The following ARHGEF26 variants were observed in gnomAD, a reference collection of about 807,000 sequenced individuals.
ARHGEF26 encodes Rho guanine nucleotide exchange factor 26.
In ARHGEF26, 59 loss-of-function variants were observed where a neutral mutation model predicts 89.4. That is an observed-to-expected ratio of 0.66 (90% CI 0.54 to 0.82). ARHGEF26 has a LOEUF of 0.82. ARHGEF26 is among the 40% of genes least tolerant of loss of function. The pLI is 0.00. For missense variants in ARHGEF26, 1,234 were observed against 1,085.6 expected (o/e 1.14, Z -1.92); for synonymous variants, 500 against 428.4 (o/e 1.17, Z -2.06).
At position 154,244,967 on chromosome 3, in the gene ARHGEF26, C is replaced by T. The variant is rs1428163699; in HGVS notation, c.2300+4388C>T. On this transcript the variant is annotated intron_variant, in intron 12 of 14. Coordinates refer to ENST00000465093, the MANE Select transcript of ARHGEF26 (RefSeq NM_015595.4). ...GGAAGGAAACCTCCAGGAAGTCAGT[C>T]GCTATTAACTGTGAGAAACTACTAA... Among the ~76,000 whole-genome samples the T allele has an allele frequency of 3.3e-5, 5 of 152,192 alleles. No individual in the cohort carries two copies. The East Asian group carries it at 7.7e-4, about 24-fold the overall frequency.
At chr3:154,221,420 A>G (rs1411479693) in intron 10 of ARHGEF26, among the ~76,000 whole-genome samples, 1 of 152,220 alleles carries the variant, frequency 6.6e-6, no homozygotes, top group Non-Finnish European at 1.5e-5. Flanking sequence ...CAATTTGGCA[A>G]TAACTATCAA....
At chr3:154,224,261 A>G (rs867560299) in intron 10 of ARHGEF26, among the ~76,000 whole-genome samples, 4 of 152,176 alleles carry the variant, frequency 2.6e-5, no homozygotes, top group Non-Finnish European at 4.4e-5. Context: ...AACATAAACT[A>G]TATATAAAAT....
At chr3:154,225,415 A>G (rs200053112) in intron 10 of ARHGEF26, among the ~76,000 whole-genome samples, 14 of 152,074 alleles carry the variant, frequency 9.2e-5, no homozygotes, top group Non-Finnish European at 1.8e-4. Context: ...GTAGACTTTT[A>G]TATTTGTCTC....
chr3:154,236,511 C>T (rs955655654), intron 11 of ARHGEF26, among the ~76,000 whole-genome samples: 1 of 152,194 alleles, frequency 6.6e-6, no homozygotes, highest in East Asian at 1.9e-4. Flanking sequence ...CTTTAACTTC[C>T]TCATTACATG....
intron 4 of ARHGEF26, among the ~76,000 whole-genome samples, chr3:154,144,108 G>A (rs1719551067): frequency 6.6e-6 from 1 of 152,308 alleles, no homozygotes; most frequent in Non-Finnish European, 1.5e-5. Flanking sequence ...GGAAGCCAAT[G>A]AGAGATGTTG....
chr3:154,239,299 A>AGTGT lies in ARHGEF26; in HGVS notation c.2091-1032_2091-1029dup, dbSNP rs142191516. The stretch of plus-strand genomic sequence containing the variant: ...GAGAGAGAGAGAGAGAGAGAGAGAG[A>AGTGT]GTGTGTGTGTGTGTGTGTGTGTGTG... On this transcript the variant is annotated intron_variant, in intron 11 of 14. Transcript: ENST00000465093. Among the ~76,000 whole-genome samples the AGTGT allele has an allele frequency of 2.5e-3, 160 of 64,312 alleles. 3 individuals are homozygous for AGTGT. The highest frequency in any genetic ancestry group is 0.015 in the Middle Eastern group (1 of 68). The allele number at this position is 64,312 out of a possible 152,430, so 42.2% of individuals were successfully genotyped here.
chr3:154,236,504 T>C (rs1320819431), intron 11 of ARHGEF26, among the ~76,000 whole-genome samples: 2 of 152,244 alleles, frequency 1.3e-5, no homozygotes, highest in Admixed American at 1.3e-4. Flanking sequence ...CTGAGCACTT[T>C]AACTTCCTCA....
At chr3:154,247,787 C>T (rs951553489) in intron 12 of ARHGEF26, among the ~76,000 whole-genome samples, 1 of 152,102 alleles carries the variant, frequency 6.6e-6, no homozygotes, top group African/African-American at 2.4e-5. Context: ...TTAGGATGTA[C>T]GTCGAAGTCA....
intron 8 of ARHGEF26, among the ~76,000 whole-genome samples, 189 bp downstream of exon 8, chr3:154,191,607 T>C (rs1211965563): frequency 2.6e-5 from 4 of 152,228 alleles, no homozygotes. Flanking sequence ...TTATCTTTCA[T>C]TTAGGCTTCT....
intron 4 of ARHGEF26, among the ~76,000 whole-genome samples, chr3:154,132,696 A>AAT (rs1425575950): frequency 2.0e-5 from 3 of 152,070 alleles, no homozygotes; most frequent in Admixed American, 1.3e-4. Flanking sequence ...TTTCAACTTT[A>AAT]ATATATATAT....
chr3:154,178,403 C>T (rs1041142173), intron 6 of ARHGEF26, among the ~76,000 whole-genome samples: 2 of 152,088 alleles, frequency 1.3e-5, no homozygotes, highest in African/African-American at 2.4e-5. Flanking sequence ...GCATTTCCCC[C>T]CACACTTCCC....
intron 6 of ARHGEF26, among the ~76,000 whole-genome samples, chr3:154,166,419 G>A (rs561523425): frequency 2.9e-4 from 44 of 152,198 alleles, no homozygotes; most frequent in African/African-American, 9.6e-4. Context: ...AGGATAGGAA[G>A]GTAACGTATG....
intron 3 of ARHGEF26, among the ~76,000 whole-genome samples, chr3:154,126,639 G>C (rs1192689206): frequency 6.6e-6 from 1 of 152,132 alleles, no homozygotes; most frequent in Non-Finnish European, 1.5e-5. Context: ...TTTGTACTCA[G>C]GGTGAAATCC....
At chr3:154,162,570 T>C (rs985920579) in intron 6 of ARHGEF26, among the ~76,000 whole-genome samples, 9 of 152,176 alleles carry the variant, frequency 5.9e-5, no homozygotes, top group Non-Finnish European at 1.3e-4. Flanking sequence ...GGCCATTGCA[T>C]GTGTGGAGTT....
intron 10 of ARHGEF26, among the ~76,000 whole-genome samples, chr3:154,220,223 A>G (rs1716040914): frequency 6.6e-6 from 1 of 152,234 alleles, no homozygotes. Flanking sequence ...AAGTATTGTA[A>G]GAATAGAGCA....
intron 10 of ARHGEF26, among the ~76,000 whole-genome samples, chr3:154,222,458 A>G (rs919570001): frequency 5.3e-5 from 8 of 152,160 alleles, no homozygotes; most frequent in Non-Finnish European, 1.0e-4. Flanking sequence ...TAGCTGTACA[A>G]CCTTGGGCAT....
intron 9 of ARHGEF26, among the ~76,000 whole-genome samples, chr3:154,195,097 G>A (rs1207469225): frequency 6.6e-6 from 1 of 152,240 alleles, no homozygotes; most frequent in African/African-American, 2.4e-5. Context: ...GCAGTGGAAA[G>A]AGGAGGGCAG....
At chr3:154,219,598 A>AG (rs201911924) in intron 10 of ARHGEF26, among the ~76,000 whole-genome samples, 1,596 of 151,584 alleles carry the variant, frequency 0.011, 21 homozygotes, top group African/African-American at 0.036. Context: ...CTTAAAAAAA[A>AG]AAAAAGAAAA....
chr3:154,159,384 A>C (rs1711535413), intron 6 of ARHGEF26, among the ~76,000 whole-genome samples: 1 of 152,142 alleles, frequency 6.6e-6, no homozygotes, highest in Non-Finnish European at 1.5e-5. Flanking sequence ...GTAAAGTAAA[A>C]ATATCCATCA....
Sources: gnomAD v4.1 joint callset for allele counts (sites outside exome capture counted in the v4.1 genomes callset) on GRCh38, gnomAD v4.1.1 for gene constraint, MANE v1.5 for transcripts, NCBI Gene and HGNC (gene_info 2026-07-23, HGNC 2026-07-21) for gene names.